TRABD2B: variants seen among roughly 807,000 people sequenced by gnomAD.
TRABD2B encodes TraB domain containing 2B, also known as metalloprotease TIKI2.
A neutral mutation model predicts 40.1 loss-of-function variants in TRABD2B; 14 were observed. That is an observed-to-expected ratio of 0.35 (90% CI 0.23 to 0.55). The LOEUF (loss-of-function observed/expected upper bound fraction) is 0.55. Among genes scored for constraint, TRABD2B ranks in the 20% least tolerant of loss-of-function variants. TRABD2B has a pLI of 0.90. For synonymous variants in TRABD2B, 263 were observed against 277.0 expected (o/e 0.95, Z 0.50); for missense variants, 541 against 648.6 (o/e 0.83, Z 1.80).
At chr1:47,819,862 G>C (rs984474380) in intron 2 of TRABD2B, 1 of 151,984 alleles carries the variant, frequency 6.6e-6, no homozygotes, top group African/African-American at 2.4e-5. Context: ...ACGCAGACCA[G>C]AGACACTGGG....
chr1:47,795,678 A>G (rs1484288892), intron 3 of TRABD2B: 1 of 985,194 alleles, frequency 1.0e-6, no homozygotes, highest in Non-Finnish European at 1.2e-6. Flanking sequence ...AGCACATGCC[A>G]CCCTACAGAG....
At chr1:47,800,247 G>A (rs1412379159) in intron 3 of TRABD2B, among the ~76,000 whole-genome samples, 1 of 152,206 alleles carries the variant, frequency 6.6e-6, no homozygotes, top group African/African-American at 2.4e-5. Flanking sequence ...GAAAAAAAGT[G>A]GAGCATAATA....
chr1:47,853,432 C>A (rs772576625), intron 2 of TRABD2B, among the ~76,000 whole-genome samples: 7 of 152,152 alleles, frequency 4.6e-5, no homozygotes, highest in Non-Finnish European at 1.0e-4. Flanking sequence ...CCCAGCAGGT[C>A]TCCACAGGGT....
chr1:47,776,998 C>G (rs972334424), intron 5 of TRABD2B, among the ~76,000 whole-genome samples: 6 of 152,182 alleles, frequency 3.9e-5, no homozygotes, highest in African/African-American at 1.4e-4. Flanking sequence ...CCCCCTCCGC[C>G]CTGCCAACTC....
chr1:47,970,354 A>C (rs72692190), intron 2 of TRABD2B, among the ~76,000 whole-genome samples: 4,212 of 152,180 alleles, frequency 0.028, 95 homozygotes, highest in Non-Finnish European at 0.046. Context: ...ACCCTTCTAT[A>C]GCTGGGTTTG....
chr1:47,896,069 T>C (rs1644516386), intron 2 of TRABD2B, among the ~76,000 whole-genome samples: 2 of 152,260 alleles, frequency 1.3e-5, no homozygotes. Context: ...AACCACAGGC[T>C]GTCCCTGCAT....
At chr1:47,936,125 T>A (rs1645103710) in intron 2 of TRABD2B, among the ~76,000 whole-genome samples, 1 of 152,150 alleles carries the variant, frequency 6.6e-6, no homozygotes, top group African/African-American at 2.4e-5. Flanking sequence ...TCAAATGAGG[T>A]CAGGCAAGAA....
At chr1:47,826,662 C>A (rs896105150) in intron 2 of TRABD2B, among the ~76,000 whole-genome samples, 1 of 152,118 alleles carries the variant, frequency 6.6e-6, no homozygotes, top group Non-Finnish European at 1.5e-5. Context: ...CAGCCTCAAA[C>A]TCCTGGGCTC....
intron 2 of TRABD2B, among the ~76,000 whole-genome samples, chr1:47,940,524 T>C (rs558390642): frequency 1.3e-5 from 2 of 152,324 alleles, no homozygotes; most frequent in East Asian, 1.9e-4. Flanking sequence ...AGAAGTCACA[T>C]GCCTGCCTGC....
chr1:47,775,801 C>T (rs936940228), intron 5 of TRABD2B, among the ~76,000 whole-genome samples: 11 of 152,006 alleles, frequency 7.2e-5, no homozygotes, highest in Admixed American at 2.0e-4. Flanking sequence ...TGCTAACTGC[C>T]GAGGAGCAAA....
intron 2 of TRABD2B, among the ~76,000 whole-genome samples, chr1:47,954,082 C>G (rs776956226): frequency 7.2e-5 from 11 of 152,206 alleles, no homozygotes; most frequent in Non-Finnish European, 1.3e-4. Flanking sequence ...CACAGGATTG[C>G]AGAGACAAGA....
chr1:47,779,366 C>T (rs1327834429), intron 4 of TRABD2B, among the ~76,000 whole-genome samples: 2 of 152,208 alleles, frequency 1.3e-5, no homozygotes, highest in Non-Finnish European at 2.9e-5. Context: ...GGGCTGGCCT[C>T]CATGTCAGTC....
intron 2 of TRABD2B, among the ~76,000 whole-genome samples, chr1:47,842,000 C>G (rs1317812869): frequency 6.6e-6 from 1 of 151,836 alleles, no homozygotes; most frequent in Non-Finnish European, 1.5e-5. Flanking sequence ...TCTTGAGCTC[C>G]CAACCTCGTG....
chr1:47,871,203 T>C (rs1381254204), intron 2 of TRABD2B, among the ~76,000 whole-genome samples: 1 of 152,044 alleles, frequency 6.6e-6, no homozygotes. Context: ...CTGAGAGTTA[T>C]GAGAGTTACA....
At chr1:47,781,081 G>T (rs1207631074) in intron 4 of TRABD2B, among the ~76,000 whole-genome samples, 1 of 152,352 alleles carries the variant, frequency 6.6e-6, no homozygotes, top group East Asian at 1.9e-4. Flanking sequence ...CCCCGGCAGG[G>T]CGGGGTCATC....
intron 2 of TRABD2B, among the ~76,000 whole-genome samples, chr1:47,805,592 G>A (rs1437574315): frequency 6.6e-6 from 1 of 152,144 alleles, no homozygotes; most frequent in East Asian, 1.9e-4. Context: ...CATTCAGGAA[G>A]CACTGCAAGA....
intron 2 of TRABD2B, among the ~76,000 whole-genome samples, chr1:47,906,566 C>T (rs1039880062): frequency 6.6e-6 from 1 of 152,206 alleles, no homozygotes; most frequent in East Asian, 1.9e-4. Context: ...CGTAGCAGGG[C>T]TCTGTCCAAT....
chr1:47,769,281 T>G (rs1022870348), intron 6 of TRABD2B, among the ~76,000 whole-genome samples: 1 of 152,208 alleles, frequency 6.6e-6, no homozygotes, highest in Non-Finnish European at 1.5e-5. Context: ...GTTGGTTTGG[T>G]GGGCTGGCTT....
chr1:47,806,404 G>C (rs910912896), intron 2 of TRABD2B, among the ~76,000 whole-genome samples: 1 of 152,188 alleles, frequency 6.6e-6, no homozygotes, highest in Non-Finnish European at 1.5e-5. Flanking sequence ...GCCTGGTGCT[G>C]CTCAGACTCG....
Sources: allele counts gnomAD v4.1 joint callset (sites outside exome capture counted in the v4.1 genomes callset), GRCh38; gene constraint gnomAD v4.1.1; transcripts MANE v1.5; gene names NCBI Gene and HGNC (gene_info 2026-07-23, HGNC 2026-07-21).